Variants in TNRC6B observed in about 807,000 individuals in gnomAD.
TNRC6B encodes trinucleotide repeat containing adaptor 6B.
In TNRC6B, 52 loss-of-function variants were observed where a neutral mutation model predicts 203.6. The observed-to-expected ratio is 0.26, with a 90% CI of 0.20 to 0.32. The LOEUF (loss-of-function observed/expected upper bound fraction) is 0.32, where lower values mean the gene tolerates loss of function less well. Among genes scored for constraint, TNRC6B ranks in the 10% least tolerant of loss-of-function variants. TNRC6B has a pLI of 1.00. For synonymous variants in TNRC6B, 838 were observed against 845.7 expected (o/e 0.99, Z 0.16); for missense variants, 1,923 against 2,286.2 (o/e 0.84, Z 3.24).
intron 1 of TNRC6B, among the ~76,000 whole-genome samples, chr22:40,202,260 G>GTGTTTTTTTGT (rs2069423114): frequency 7.7e-6 from 1 of 129,778 alleles, no homozygotes; most frequent in Non-Finnish European, 1.7e-5. Context: ...TTGTTTTTTT[G>GTGTTTTTTTGT]TTTTTTTTTT....
At chr22:40,106,788 T>G (rs2068287139) in intron 1 of TNRC6B, 1 of 958,936 alleles carries the variant, frequency 1.0e-6, no homozygotes, top group Non-Finnish European at 1.7e-6. Context: ...CTGATCCTGA[T>G]GGCAAATGCC....
chr22:40,186,646 G>C (rs958433343), intron 1 of TNRC6B, among the ~76,000 whole-genome samples: 2 of 151,268 alleles, frequency 1.3e-5, no homozygotes, highest in African/African-American at 2.4e-5. Context: ...GCTGATGCAG[G>C]AGAATTGCTT....
intron 19 of TNRC6B, among the ~76,000 whole-genome samples, chr22:40,314,191 C>A (rs5025677): frequency 6.6e-6 from 1 of 152,164 alleles, no homozygotes; most frequent in Non-Finnish European, 1.5e-5. Context: ...TTCCCCACCC[C>A]CAAAAGTGTC....
chr22:40,331,000 G>A lies in TNRC6B; in HGVS notation c.*7759G>A, dbSNP rs777436216. ...ACATCTGCATTCCCTAGTTTTCTCC[G>A]TCTGTATGTTTGTGCTCATGTGGCT... On this transcript the variant is annotated 3_prime_UTR_variant, in exon 23 of 23. Coordinates refer to ENST00000454349, the MANE Select transcript of TNRC6B (RefSeq NM_001162501.2). 7.2e-5 allele frequency: 11 copies of A among 152,658 alleles called. No individual in the cohort carries two copies. Among genetic ancestry groups the A allele is most frequent in the South Asian group, 2.1e-4 (1 of 4,832 alleles). 9.5% of individuals were successfully genotyped at this position (152,658 alleles called of 1,614,324 possible). A position where few individuals can be genotyped will look rare whatever the true frequency, so the allele number is the denominator to read the frequency against.
chr22:40,168,294 C>T lies in TNRC6B; in HGVS notation c.113+12112C>T, dbSNP rs201396494. On this transcript the variant is annotated intron_variant, in intron 4 of 23. Coordinates refer to the TNRC6B transcript ENST00000301923. ...ATTGAATTTCTCTTCTGTGCTAGACCCAGAAATAAAAGCTACATACTCTGC... is the reference window on the plus strand; with the variant it reads ...ATTGAATTTCTCTTCTGTGCTAGACTCAGAAATAAAAGCTACATACTCTGC... Among the ~76,000 whole-genome samples, 51 of 152,096 alleles carry T rather than the reference C, an allele frequency of 3.4e-4. 1 individual carries two copies. The East Asian group carries it at 4.4e-3, about 13-fold the overall frequency.
At chr22:40,248,290 A>G (rs1393759831) in intron 2 of TNRC6B, among the ~76,000 whole-genome samples, 3 of 152,178 alleles carry the variant, frequency 2.0e-5, no homozygotes, top group South Asian at 2.1e-4. Context: ...ATGTGAGATT[A>G]AACCTCAGTG....
upstream of TNRC6B, among the ~76,000 whole-genome samples, chr22:40,174,652 G>A (rs1290717251): frequency 1.3e-5 from 2 of 151,778 alleles, no homozygotes; most frequent in South Asian, 2.1e-4. Context: ...GTGAAACCCC[G>A]TCTCTACTAC....
chr22:40,308,185 C>T (rs933746154), intron 15 of TNRC6B, among the ~76,000 whole-genome samples: 2 of 152,180 alleles, frequency 1.3e-5, no homozygotes, highest in East Asian at 1.9e-4. Flanking sequence ...GGCTGGATGT[C>T]GTCTTCTCCA....
chr22:40,211,675 T>G (rs1003351920), intron 1 of TNRC6B, among the ~76,000 whole-genome samples: 3 of 152,198 alleles, frequency 2.0e-5, no homozygotes, highest in African/African-American at 7.2e-5. Flanking sequence ...GTGCTTTGCT[T>G]CCTTGTCCTT....
intron 1 of TNRC6B, among the ~76,000 whole-genome samples, chr22:40,052,888 G>C (rs2067761780): frequency 6.6e-6 from 1 of 152,136 alleles, no homozygotes; most frequent in Non-Finnish European, 1.5e-5. Context: ...ATGAACAAAT[G>C]TTACCTTCTA....
Position 40,331,477 on chromosome 22 carries a change from C to G in TNRC6B, c.*8236C>G. Reference sequence around the variant, plus strand: ...TTTCCATGATTCCTCAGAGCTCCCCCAAAGAGGAGAACAGTCCCTCCCACT... The same window carrying G: ...TTTCCATGATTCCTCAGAGCTCCCCGAAAGAGGAGAACAGTCCCTCCCACT... On this transcript the variant is annotated 3_prime_UTR_variant, in exon 23 of 23. Coordinates refer to ENST00000454349, the MANE Select transcript of TNRC6B (RefSeq NM_001162501.2). The G allele has an allele frequency of 2.8e-6, 1 of 360,838 alleles. No individual in the cohort carries two copies. Among genetic ancestry groups the G allele is most frequent in the Non-Finnish European group, 5.0e-6 (1 of 200,804 alleles). The allele number at this position is 360,838 out of a possible 1,614,324, so 22.4% of individuals were successfully genotyped here.
chr22:40,159,880 T>C (rs1801044669), intron 4 of TNRC6B, among the ~76,000 whole-genome samples: 1 of 152,098 alleles, frequency 6.6e-6, no homozygotes, highest in Non-Finnish European at 1.5e-5. Context: ...GGTACGATCA[T>C]AGCTCACTGT....
intron 3 of TNRC6B, among the ~76,000 whole-genome samples, chr22:40,136,710 G>A (rs2068603062): frequency 6.6e-6 from 1 of 151,850 alleles, no homozygotes; most frequent in Non-Finnish European, 1.5e-5. Context: ...TGCCTGGCCT[G>A]TATATTTAAA....
At chr22:40,309,887 A>T (rs2071149981) in intron 16 of TNRC6B, among the ~76,000 whole-genome samples, 1 of 152,144 alleles carries the variant, frequency 6.6e-6, no homozygotes, top group African/African-American at 2.4e-5. Context: ...CTGAGTATGG[A>T]GGTAGTTTTG....
chr22:40,067,491 C>T (rs571465655), intron 1 of TNRC6B, among the ~76,000 whole-genome samples: 114 of 152,112 alleles, frequency 7.5e-4, no homozygotes, highest in Non-Finnish European at 1.4e-3. Flanking sequence ...TTATGAAGGC[C>T]GAGAAGTCCC....
At chr22:40,106,315 C>T (rs764182069) in intron 1 of TNRC6B, 6 of 672,120 alleles carry the variant, frequency 8.9e-6, no homozygotes, top group Admixed American at 2.0e-5. Flanking sequence ...TCATGGTAGA[C>T]ACCTTAGTTT....
intron 1 of TNRC6B, among the ~76,000 whole-genome samples, chr22:40,197,088 A>C (rs1370541902): frequency 6.6e-6 from 1 of 152,098 alleles, no homozygotes; most frequent in African/African-American, 2.4e-5. Context: ...TGATTTGCTA[A>C]TTGATTGGTT....
chr22:40,290,788 G>C (rs1048489130), intron 12 of TNRC6B, among the ~76,000 whole-genome samples: 5 of 152,134 alleles, frequency 3.3e-5, no homozygotes, highest in Non-Finnish European at 7.3e-5. Flanking sequence ...CCTGAGCAGG[G>C]CATGTATTTT....
intron 3 of TNRC6B, among the ~76,000 whole-genome samples, chr22:40,131,405 A>ATT (rs34219543): frequency 0.34 from 50,237 of 146,682 alleles, 9,044 homozygotes; most frequent in African/African-American, 0.45. Flanking sequence ...GAGTTTAGGG[A>ATT]TTTTTTTTTT....
Sources: gnomAD v4.1 joint callset for allele counts (sites outside exome capture counted in the v4.1 genomes callset) on GRCh38, gnomAD v4.1.1 for gene constraint, MANE v1.5 for transcripts, NCBI Gene and HGNC (gene_info 2026-07-23, HGNC 2026-07-21) for gene names.